The following GALNT13 variants were observed in gnomAD, a reference collection of about 807,000 sequenced individuals.
GALNT13 encodes polypeptide N-acetylgalactosaminyltransferase 13.
GALNT13 carries 28 observed loss-of-function variants against 64.2 expected under a neutral mutation model. The ratio of observed to expected loss-of-function variants is 0.44; its 90% CI spans 0.32 to 0.60. GALNT13 has a LOEUF of 0.60. Ranked by LOEUF, GALNT13 falls within the 20% of genes least tolerant of loss-of-function variation. The pLI is 0.05. For synonymous variants in GALNT13, 214 were observed against 224.6 expected (o/e 0.95, Z 0.42); for missense variants, 577 against 669.8 (o/e 0.86, Z 1.53).
rs571542885 is a variant in GALNT13 at position 154,258,977 on chromosome 2, T to G, written c.858-44T>G. The G allele has an allele frequency of 4.8e-4, 490 of 1,026,118 alleles. 6 individuals carry two copies. Among genetic ancestry groups the G allele is most frequent in the South Asian group, 4.7e-3 (364 of 76,840 alleles). The allele number at this position is 1,026,118 out of a possible 1,614,324, so 63.6% of individuals were successfully genotyped here. ...TACAGTCTCATTAAACTCCATACAT[T>G]GTTTTCAAAAGATATTCTTTTCTTT... On this transcript the variant is annotated intron_variant, in intron 7 of 12. Coordinates refer to ENST00000392825, the MANE Select transcript of GALNT13 (RefSeq NM_052917.4).
chr2:153,253,897 A>T, the GALNT13 span, among the ~76,000 whole-genome samples: 2 of 152,144 alleles, frequency 1.3e-5, no homozygotes, highest in Non-Finnish European at 2.9e-5. Context: ...TTTTTGCATC[A>T]ATGTTCATCA....
chr2:154,367,092 T>C (rs1697408888), intron 9 of GALNT13, among the ~76,000 whole-genome samples: 1 of 152,164 alleles, frequency 6.6e-6, no homozygotes, highest in Non-Finnish European at 1.5e-5. Flanking sequence ...ATTGAAATTA[T>C]ATAACAGAGT....
At chr2:153,908,227 A>G (rs531109449) in intron 2 of GALNT13, among the ~76,000 whole-genome samples, 1 of 151,996 alleles carries the variant, frequency 6.6e-6, no homozygotes, top group African/African-American at 2.4e-5. Context: ...TCCTCCGCCC[A>G]CTGTTTAATG....
intron 3 of GALNT13, among the ~76,000 whole-genome samples, chr2:153,987,896 A>T (rs1694904583): frequency 6.6e-6 from 1 of 151,948 alleles, no homozygotes; most frequent in Non-Finnish European, 1.5e-5. Context: ...TCAAATAAAA[A>T]TAGTTGCAAT....
chr2:153,123,107 G>C, the GALNT13 span, among the ~76,000 whole-genome samples: 1 of 152,076 alleles, frequency 6.6e-6, no homozygotes, highest in African/African-American at 2.4e-5. Context: ...AGGGATGAAT[G>C]CCATATGAAG....
At chr2:154,348,173 C>T (rs1010455483) in intron 9 of GALNT13, among the ~76,000 whole-genome samples, 7 of 152,062 alleles carry the variant, frequency 4.6e-5, no homozygotes, top group Non-Finnish European at 7.4e-5. Context: ...TGGAGAGAGG[C>T]TTATAATCTT....
chr2:153,983,203 G>A (rs1244155876), intron 3 of GALNT13, among the ~76,000 whole-genome samples: 1 of 151,800 alleles, frequency 6.6e-6, no homozygotes, highest in Non-Finnish European at 1.5e-5. Flanking sequence ...GAGTAAATAT[G>A]AATGTTATTT....
chr2:153,312,919 A>G, the GALNT13 span, among the ~76,000 whole-genome samples: 20 of 152,212 alleles, frequency 1.3e-4, no homozygotes, highest in African/African-American at 4.6e-4. Context: ...AATTTAGACT[A>G]ATATTACCAG....
the GALNT13 span, among the ~76,000 whole-genome samples, chr2:153,629,327 C>T: frequency 5.4e-4 from 82 of 151,752 alleles, no homozygotes; most frequent in African/African-American, 1.9e-3. Context: ...AGAACAGAGC[C>T]CTCAGAAATA....
chr2:154,086,421 ATATT>A (rs1701530407), intron 3 of GALNT13, among the ~76,000 whole-genome samples: 1 of 148,264 alleles, frequency 6.7e-6, no homozygotes, highest in African/African-American at 2.4e-5. Flanking sequence ...TATATAGAGT[ATATT>A]TATATGTAAA....
chr2:153,927,539 T>C (rs1278495458), intron 2 of GALNT13, among the ~76,000 whole-genome samples: 1 of 152,058 alleles, frequency 6.6e-6, no homozygotes, highest in East Asian at 1.9e-4. Context: ...TTTATATTGA[T>C]TGACAAATTA....
At chr2:153,556,223 G>T in the GALNT13 span, among the ~76,000 whole-genome samples, 1 of 151,978 alleles carries the variant, frequency 6.6e-6, no homozygotes, top group African/African-American at 2.4e-5. Context: ...GAAATAATTT[G>T]TATCATATTT....
At chr2:153,564,711 A>C in the GALNT13 span, among the ~76,000 whole-genome samples, 4 of 152,276 alleles carry the variant, frequency 2.6e-5, no homozygotes, top group Non-Finnish European at 4.4e-5. Context: ...TCTTTGGAAA[A>C]TAATTCTTAC....
At chr2:153,920,284 C>T (rs925552727) in intron 2 of GALNT13, among the ~76,000 whole-genome samples, 2 of 151,870 alleles carry the variant, frequency 1.3e-5, no homozygotes, top group African/African-American at 2.4e-5. Context: ...CAAAGACCAA[C>T]ACATAGACCA....
the GALNT13 span, among the ~76,000 whole-genome samples, chr2:153,684,526 G>T: frequency 6.6e-6 from 1 of 151,678 alleles, no homozygotes; most frequent in Non-Finnish European, 1.5e-5. Context: ...ATGGTGTCAG[G>T]TGATGTGAAA....
chr2:153,869,250 T>A (rs1357076927), upstream of GALNT13, among the ~76,000 whole-genome samples: 1 of 152,180 alleles, frequency 6.6e-6, no homozygotes, highest in African/African-American at 2.4e-5. Flanking sequence ...TGATTATAAA[T>A]AAAAGTCATA....
At chr2:153,078,168 G>T in the GALNT13 span, among the ~76,000 whole-genome samples, 1 of 151,762 alleles carries the variant, frequency 6.6e-6, no homozygotes, top group African/African-American at 2.4e-5. Context: ...GTGTATAAAT[G>T]AATGCTGTGT....
At chr2:154,192,084 C>G (rs1293093143) in intron 4 of GALNT13, among the ~76,000 whole-genome samples, 2 of 152,162 alleles carry the variant, frequency 1.3e-5, no homozygotes, top group African/African-American at 4.8e-5. Flanking sequence ...TCGGGCTGCT[C>G]AGCAGCCAGG....
chr2:154,191,450 A>C (rs1686573855), intron 4 of GALNT13, among the ~76,000 whole-genome samples: 1 of 152,206 alleles, frequency 6.6e-6, no homozygotes, highest in African/African-American at 2.4e-5. Flanking sequence ...GAGATTTAAC[A>C]GAGAGTGATA....
Sources: allele counts gnomAD v4.1 joint callset (sites outside exome capture counted in the v4.1 genomes callset), GRCh38; gene constraint gnomAD v4.1.1; transcripts MANE v1.5; gene names NCBI Gene and HGNC (gene_info 2026-07-23, HGNC 2026-07-21).